LIX1: variants seen among roughly 807,000 people sequenced by gnomAD.
LIX1 encodes limb and CNS expressed 1.
LIX1 carries 24 observed loss-of-function variants against 33.4 expected under a neutral mutation model. The ratio of observed to expected loss-of-function variants is 0.72; its 90% CI spans 0.52 to 1.01. The LOEUF (loss-of-function observed/expected upper bound fraction) is 1.01. Among genes scored for constraint, LIX1 ranks in the 50% least tolerant of loss-of-function variants. The pLI is 0.00. For missense variants in LIX1, 311 were observed against 339.2 expected (o/e 0.92, Z 0.65); for synonymous variants, 124 against 124.0 (o/e 1.00, Z 0.00).
chr5:97,123,804 G>A lies in LIX1; in HGVS notation c.246+662C>T, dbSNP rs148464091. 5.9e-5 allele frequency among the ~76,000 whole-genome samples: 9 copies of A among 152,266 alleles called. 1 individual carries two copies. The East Asian group carries it at 1.7e-3, about 29-fold the overall frequency. ...CTTATGCTTCCCTAATTCTGAAAAT[G>A]CTGTGGTTCCCTATGCTAAGAGTGT... On this transcript the variant is annotated intron_variant, in intron 2 of 5. Transcript: ENST00000274382.
intron 2 of LIX1, among the ~76,000 whole-genome samples, chr5:97,123,252 C>T (rs967747230): frequency 5.3e-5 from 8 of 152,178 alleles, no homozygotes; most frequent in African/African-American, 1.9e-4. Flanking sequence ...ATATCTCTTC[C>T]TTGAGCTTCA....
At position 97,118,698 on chromosome 5, in the gene LIX1, A is replaced by C. The variant is rs116185258; in HGVS notation, c.246+5768T>G. Reference sequence around the variant, plus strand: ...GTTTCAATACAACTTTCTGAAAAAAAAATTTTTAATCAGTAGATTATTTTA... The same window carrying C: ...GTTTCAATACAACTTTCTGAAAAAACAATTTTTAATCAGTAGATTATTTTA... On this transcript the variant is annotated intron_variant, in intron 2 of 5. Coordinates refer to ENST00000274382, the MANE Select transcript of LIX1 (RefSeq NM_153234.5). Among the ~76,000 whole-genome samples, 93 of 152,312 alleles carry C rather than the reference A, an allele frequency of 6.1e-4. 1 individual carries two copies. In the East Asian group the frequency reaches 9.6e-3, roughly 16 times the overall value.
At chr5:97,125,091 AAGTC>A (rs1387570148) in intron 1 of LIX1, among the ~76,000 whole-genome samples, 1 of 152,218 alleles carries the variant, frequency 6.6e-6, no homozygotes, top group Non-Finnish European at 1.5e-5. Flanking sequence ...TAAGAAGAGA[AAGTC>A]AGAAAGAAGG....
intron 1 of LIX1, among the ~76,000 whole-genome samples, chr5:97,136,108 C>T (rs946707184): frequency 6.6e-6 from 1 of 152,196 alleles, no homozygotes; most frequent in African/African-American, 2.4e-5. Flanking sequence ...TTTGGTGACT[C>T]ACAGTCGGGG....
intron 2 of LIX1, among the ~76,000 whole-genome samples, chr5:97,109,638 T>TTGCAGTGATTTCTGGGAA (rs59112872): frequency 0.011 from 1,677 of 152,270 alleles, 25 homozygotes; most frequent in African/African-American, 0.038. Context: ...ATAAGTTCTT[T>TTGCAGTGATTTCTGGGAA]TGCGGTGATT....
intron 2 of LIX1, 104 bp downstream of exon 2, chr5:97,124,362 G>A (rs937928367): frequency 9.0e-6 from 9 of 998,280 alleles, no homozygotes; most frequent in Non-Finnish European, 1.3e-5. Context: ...GTACAACTTT[G>A]TTCACTATTT....
chr5:97,114,498 T>C (rs1047502942), intron 2 of LIX1, among the ~76,000 whole-genome samples: 1 of 152,196 alleles, frequency 6.6e-6, no homozygotes, highest in Non-Finnish European at 1.5e-5. Context: ...TAAAGATTGC[T>C]GCCAAGCCTA....
chr5:97,119,474 C>G (rs9314186), intron 2 of LIX1, among the ~76,000 whole-genome samples: 2,421 of 152,228 alleles, frequency 0.016, 60 homozygotes, highest in African/African-American at 0.056. Context: ...CATTTTTCCC[C>G]CTGGTTTTCC....
chr5:97,108,643 C>T (rs941433914), intron 2 of LIX1, among the ~76,000 whole-genome samples: 2 of 152,086 alleles, frequency 1.3e-5, no homozygotes, highest in African/African-American at 4.8e-5. Context: ...GGATAAGTGT[C>T]TAGGATCTTG....
At chr5:97,113,211 C>T (rs1468334256) in intron 2 of LIX1, among the ~76,000 whole-genome samples, 1 of 152,184 alleles carries the variant, frequency 6.6e-6, no homozygotes, top group Non-Finnish European at 1.5e-5. Context: ...TCCTCCAGCC[C>T]TGATCAAGCC....
chr5:97,112,724 G>A (rs1441963352), intron 2 of LIX1, among the ~76,000 whole-genome samples: 1 of 150,774 alleles, frequency 6.6e-6, no homozygotes, highest in Non-Finnish European at 1.5e-5. Flanking sequence ...ATGTTCAGAT[G>A]CCTTTCATTT....
At chr5:97,113,565 A>G (rs1380159519) in intron 2 of LIX1, among the ~76,000 whole-genome samples, 1 of 152,278 alleles carries the variant, frequency 6.6e-6, no homozygotes, top group African/African-American at 2.4e-5. Context: ...TTTGCAGGTG[A>G]GGAAATAGAG....
intron 1 of LIX1, among the ~76,000 whole-genome samples, chr5:97,137,996 C>T (rs984752723): frequency 6.6e-6 from 1 of 152,048 alleles, no homozygotes; most frequent in African/African-American, 2.4e-5. Flanking sequence ...GTAGTCTGGT[C>T]CAGTTTTTCC....
chr5:97,141,730 C>T (rs1748294031), intron 1 of LIX1, among the ~76,000 whole-genome samples: 1 of 152,152 alleles, frequency 6.6e-6, no homozygotes, highest in Admixed American at 6.5e-5. Context: ...ATGAAACCCA[C>T]TGTAGATAAG....
chr5:97,119,634 TATG>T (rs937581532), intron 2 of LIX1, among the ~76,000 whole-genome samples: 5 of 152,128 alleles, frequency 3.3e-5, no homozygotes, highest in African/African-American at 1.2e-4. Flanking sequence ...AGCCTTAAAA[TATG>T]ATGATTTAAA....
intron 2 of LIX1, among the ~76,000 whole-genome samples, chr5:97,122,471 T>G (rs1747809569): frequency 1.3e-5 from 2 of 152,214 alleles, no homozygotes; most frequent in African/African-American, 4.8e-5. Context: ...TTAAAACATG[T>G]CTTTGACATT....
chr5:97,109,856 C>T (rs762933744), intron 2 of LIX1, among the ~76,000 whole-genome samples: 4 of 152,048 alleles, frequency 2.6e-5, no homozygotes, highest in Non-Finnish European at 4.4e-5. Flanking sequence ...TTTTCCATTC[C>T]TGAGTTACTC....
chr5:97,095,139 AC>A, intron 5 of LIX1, 104 bp from the exon 6 acceptor site: 2 of 1,046,708 alleles, frequency 1.9e-6, no homozygotes, highest in South Asian at 1.6e-5. Flanking sequence ...TTTATCAACA[AC>A]CCCATCTCTC....
At chr5:97,115,352 T>TA (rs1338375606) in intron 2 of LIX1, among the ~76,000 whole-genome samples, 1 of 152,262 alleles carries the variant, frequency 6.6e-6, no homozygotes, top group Non-Finnish European at 1.5e-5. Flanking sequence ...GTAGGTGTCT[T>TA]ACTGATTATA....
Sources: allele counts gnomAD v4.1 joint callset (sites outside exome capture counted in the v4.1 genomes callset), GRCh38; gene constraint gnomAD v4.1.1; transcripts MANE v1.5; gene names NCBI Gene and HGNC (gene_info 2026-07-23, HGNC 2026-07-21).